MEGF10: variants seen among roughly 807,000 people sequenced by gnomAD.
MEGF10 encodes the protein multiple EGF like domains 10.
Under a neutral mutation model 147.5 loss-of-function variants are expected in MEGF10, and 86 were observed. The observed-to-expected ratio is 0.58, with a 90% CI of 0.49 to 0.70. The LOEUF is 0.70. MEGF10 is among the 30% of genes least tolerant of loss of function. The probability of loss-of-function intolerance (pLI) is 0.00; values close to 1 mark genes in which losing one functional copy is unlikely to be tolerated. For missense variants in MEGF10, 1,329 were observed against 1,487.3 expected (o/e 0.89, Z 1.75); for synonymous variants, 478 against 525.5 (o/e 0.91, Z 1.24).
At chr5:127,323,303 G>T (rs1337195793) in intron 1 of MEGF10, among the ~76,000 whole-genome samples, 1 of 152,130 alleles carries the variant, frequency 6.6e-6, no homozygotes, top group Non-Finnish European at 1.5e-5. Context: ...GATGAGGCAG[G>T]TCAATTCTTC....
the MEGF10 span, among the ~76,000 whole-genome samples, chr5:127,263,614 G>T: frequency 6.6e-6 from 1 of 152,036 alleles, no homozygotes; most frequent in Non-Finnish European, 1.5e-5. Context: ...AATCTTCTAT[G>T]CCAGGAATAT....
At position 127,442,982 on chromosome 5, in the gene MEGF10, G is replaced by T; in HGVS notation, c.2363-16G>T. On this transcript the variant is annotated splice_polypyrimidine_tract_variant and intron_variant, in intron 18 of 24. Transcript: ENST00000503335. The stretch of plus-strand genomic sequence containing the variant: ...TTCCCAAGGTTGGAAAGCTACATTT[G>T]ACTTTCCTTCTCTAGAGTGCCCTTC... 6.2e-7 allele frequency: 1 copy of T among 1,605,648 alleles called. No homozygotes were observed. Among genetic ancestry groups the T allele is most frequent in the South Asian group, 1.1e-5 (1 of 89,438 alleles).
At chr5:127,310,529 A>G (rs771264448) in intron 1 of MEGF10, among the ~76,000 whole-genome samples, 10 of 152,094 alleles carry the variant, frequency 6.6e-5, no homozygotes, top group Non-Finnish European at 1.3e-4. Context: ...TCTCTGTAAT[A>G]CCACAAAAAC....
At chr5:127,284,469 A>G in the MEGF10 span, among the ~76,000 whole-genome samples, 1 of 152,142 alleles carries the variant, frequency 6.6e-6, no homozygotes, top group Admixed American at 6.5e-5. Flanking sequence ...ACAGTAAGCA[A>G]TCAGAAGACC....
At chr5:127,279,340 G>T in the MEGF10 span, among the ~76,000 whole-genome samples, 1 of 152,150 alleles carries the variant, frequency 6.6e-6, no homozygotes, top group South Asian at 2.1e-4. Context: ...GGCTGCAATT[G>T]TTGATCATGA....
At chr5:127,402,798 A>G (rs2126935290) in intron 8 of MEGF10, 116 bp downstream of exon 8, 1 of 1,069,792 alleles carries the variant, frequency 9.3e-7, no homozygotes, top group East Asian at 2.6e-5. Flanking sequence ...AATATTTCAG[A>G]AGTAGCTATA....
intron 11 of MEGF10, among the ~76,000 whole-genome samples, chr5:127,419,781 A>G (rs997254630): frequency 1.3e-5 from 2 of 152,206 alleles, no homozygotes; most frequent in Non-Finnish European, 2.9e-5. Context: ...CTTTGACTCT[A>G]TATCTCTTTT....
chr5:127,459,706 T>A lies in MEGF10; in HGVS notation c.*2388T>A, dbSNP rs1766497028. ...GCCATCCCTTCCTGTGTGCTCTTTT[T>A]GACAAGTAAATCACTCCAGTTAGCT... On this transcript the variant is annotated 3_prime_UTR_variant, in exon 25 of 25. Coordinates refer to ENST00000503335, the MANE Select transcript of MEGF10 (RefSeq NM_001256545.2). 1 of 152,222 alleles carries A rather than the reference T, an allele frequency of 6.6e-6. No homozygotes were observed. The highest frequency in any genetic ancestry group is 1.5e-5 in the Non-Finnish European group (1 of 68,034). The allele number at this position is 152,222 out of a possible 1,614,324, so 9.4% of individuals were successfully genotyped here.
At chr5:127,346,152 T>A (rs1761878837) in intron 4 of MEGF10, among the ~76,000 whole-genome samples, 1 of 152,192 alleles carries the variant, frequency 6.6e-6, no homozygotes, top group African/African-American at 2.4e-5. Context: ...AATTGCGAAT[T>A]GTGTTGCTAT....
chr5:127,294,752 T>A (rs1055076525), intron 1 of MEGF10, among the ~76,000 whole-genome samples: 1 of 151,120 alleles, frequency 6.6e-6, no homozygotes, highest in African/African-American at 2.4e-5. Context: ...TGAGCTGAGA[T>A]CGCGACACTG....
At chr5:127,331,049 G>C (rs1173991957) in intron 1 of MEGF10, among the ~76,000 whole-genome samples, 1 of 152,104 alleles carries the variant, frequency 6.6e-6, no homozygotes, top group East Asian at 1.9e-4. Context: ...TTTTGTTCTT[G>C]TGGCAATTGA....
At chr5:127,391,069 TATAC>T (rs1314285829) in intron 5 of MEGF10, among the ~76,000 whole-genome samples, 2 of 150,410 alleles carry the variant, frequency 1.3e-5, no homozygotes, top group South Asian at 4.3e-4. Context: ...TATGTGTATA[TATAC>T]ATACATACAC....
At chr5:127,406,882 G>A (rs1372033348) in intron 8 of MEGF10, among the ~76,000 whole-genome samples, 3 of 152,148 alleles carry the variant, frequency 2.0e-5, no homozygotes, top group African/African-American at 7.2e-5. Context: ...TAGTGCTGCC[G>A]TAGGATCACT....
chr5:127,261,662 T>A, the MEGF10 span, among the ~76,000 whole-genome samples: 1 of 152,212 alleles, frequency 6.6e-6, no homozygotes, highest in Non-Finnish European at 1.5e-5. Flanking sequence ...CTCTAACCTT[T>A]TGAAGAATTG....
intron 17 of MEGF10, among the ~76,000 whole-genome samples, chr5:127,439,807 C>T (rs879492483): frequency 5.9e-5 from 9 of 152,082 alleles, no homozygotes; most frequent in Non-Finnish European, 1.0e-4. Context: ...GTCTACAAGA[C>T]GGGAATATCC....
At chr5:127,452,129 A>G (rs988967954) in intron 22 of MEGF10, among the ~76,000 whole-genome samples, 8 of 152,212 alleles carry the variant, frequency 5.3e-5, no homozygotes, top group African/African-American at 1.9e-4. Flanking sequence ...CTGCTCCCTC[A>G]TTAAAACAGC....
chr5:127,305,346 A>T (rs1375845908), intron 1 of MEGF10, among the ~76,000 whole-genome samples: 1 of 152,128 alleles, frequency 6.6e-6, no homozygotes, highest in Non-Finnish European at 1.5e-5. Flanking sequence ...TGTTCATAGG[A>T]TGCACCCAGA....
the MEGF10 span, among the ~76,000 whole-genome samples, chr5:127,252,122 G>T: frequency 3.3e-5 from 5 of 151,802 alleles, no homozygotes; most frequent in African/African-American, 1.2e-4. Flanking sequence ...TAATACCCAG[G>T]GTTAGTAAGG....
intron 2 of MEGF10, among the ~76,000 whole-genome samples, chr5:127,336,823 T>C (rs1761488480): frequency 6.6e-6 from 1 of 152,118 alleles, no homozygotes; most frequent in Non-Finnish European, 1.5e-5. Context: ...TCTTTTTTGT[T>C]CTTATAGCAT....
Sources: gnomAD v4.1 joint callset for allele counts (sites outside exome capture counted in the v4.1 genomes callset) on GRCh38, gnomAD v4.1.1 for gene constraint, MANE v1.5 for transcripts, NCBI Gene and HGNC (gene_info 2026-07-23, HGNC 2026-07-21) for gene names.